Variants in PPP2R5E observed in about 807,000 individuals in gnomAD.
PPP2R5E encodes serine/threonine-protein phosphatase 2A 56 kDa regulatory subunit epsilon isoform.
PPP2R5E carries 4 observed loss-of-function variants against 65.3 expected under a neutral mutation model. The observed-to-expected ratio is 0.06, with a 90% CI of 0.03 to 0.14. The LOEUF is 0.14. Among genes scored for constraint, PPP2R5E ranks in the 10% least tolerant of loss-of-function variants. The probability of loss-of-function intolerance (pLI) is 1.00; values close to 1 mark genes in which losing one functional copy is unlikely to be tolerated. For synonymous variants in PPP2R5E, 183 were observed against 187.4 expected (o/e 0.98, Z 0.19); for missense variants, 274 against 556.1 (o/e 0.49, Z 5.10).
chr14:63,442,598 G>T (rs983570718), intron 3 of PPP2R5E, among the ~76,000 whole-genome samples: 2 of 152,092 alleles, frequency 1.3e-5, no homozygotes, highest in Non-Finnish European at 2.9e-5. Context: ...AGAGAGAGAA[G>T]GAAGAGGGAG....
chr14:63,457,685 G>A (rs1889200622), intron 2 of PPP2R5E, among the ~76,000 whole-genome samples: 1 of 152,130 alleles, frequency 6.6e-6, no homozygotes. Context: ...ACAGAAGCAC[G>A]GCCATAAATA....
chr14:63,538,098 A>G (rs1268221880), intron 2 of PPP2R5E, among the ~76,000 whole-genome samples: 2 of 152,126 alleles, frequency 1.3e-5, no homozygotes, highest in South Asian at 2.1e-4. Flanking sequence ...CCTGTGCAAC[A>G]TGGCAAAACT....
At chr14:63,489,069 G>A (rs991152762) in intron 2 of PPP2R5E, among the ~76,000 whole-genome samples, 2 of 152,032 alleles carry the variant, frequency 1.3e-5, no homozygotes, top group African/African-American at 4.8e-5. Context: ...GTTAACGACA[G>A]AACCAGAATT....
intron 2 of PPP2R5E, among the ~76,000 whole-genome samples, chr14:63,494,839 A>G (rs1255617): frequency 0.33 from 49,790 of 151,496 alleles, 12,325 homozygotes; most frequent in African/African-American, 0.7. Context: ...GGAGGCTGCA[A>G]TGAGCCAAGA....
chr14:63,394,011 T>C lies in PPP2R5E; in HGVS notation c.741-83A>G, dbSNP rs117911934. On this transcript the variant is annotated intron_variant, in intron 7 of 13. Transcript: ENST00000337537. ...ACTGTTCTTGTGATATTAATTAAACTTAATCAGTTTGTTTGTACAAAACAA... is the reference window on the plus strand; with the variant it reads ...ACTGTTCTTGTGATATTAATTAAACCTAATCAGTTTGTTTGTACAAAACAA... 59 of 771,094 alleles carry C rather than the reference T, an allele frequency of 7.7e-5. No homozygotes were observed. In the East Asian group the frequency reaches 1.3e-3, roughly 17 times the overall value. The allele number at this position is 771,094 out of a possible 1,614,324, so 47.8% of individuals were successfully genotyped here. A position where few individuals can be genotyped will look rare whatever the true frequency, so the allele number is the denominator to read the frequency against.
chr14:63,429,295 C>A (rs1887497543), intron 3 of PPP2R5E, among the ~76,000 whole-genome samples: 1 of 152,066 alleles, frequency 6.6e-6, no homozygotes, highest in Non-Finnish European at 1.5e-5. Context: ...TAAGTTCATA[C>A]AATTATACAA....
intron 2 of PPP2R5E, among the ~76,000 whole-genome samples, chr14:63,492,350 A>C (rs1350077017): frequency 6.6e-6 from 1 of 152,108 alleles, no homozygotes; most frequent in Non-Finnish European, 1.5e-5. Flanking sequence ...CCAGTTAAGG[A>C]CTCAAAAATT....
At chr14:63,435,476 C>G (rs968460498) in intron 3 of PPP2R5E, among the ~76,000 whole-genome samples, 3 of 152,184 alleles carry the variant, frequency 2.0e-5, no homozygotes, top group Non-Finnish European at 2.9e-5. Flanking sequence ...ACAGGCCATC[C>G]TGGGTTATAT....
intron 4 of PPP2R5E, among the ~76,000 whole-genome samples, chr14:63,416,224 G>A (rs952535725): frequency 6.6e-6 from 1 of 152,226 alleles, no homozygotes; most frequent in African/African-American, 2.4e-5. Context: ...GAAGGCTGAG[G>A]AGGGAGGACT....
chr14:63,496,090 T>C (rs894260763), intron 2 of PPP2R5E, among the ~76,000 whole-genome samples: 1 of 152,186 alleles, frequency 6.6e-6, no homozygotes, highest in African/African-American at 2.4e-5. Context: ...ATTTTTTTTG[T>C]TAAATATCAC....
intron 2 of PPP2R5E, among the ~76,000 whole-genome samples, chr14:63,520,423 T>C (rs1892853502): frequency 6.6e-6 from 1 of 152,204 alleles, no homozygotes; most frequent in African/African-American, 2.4e-5. Flanking sequence ...GGCCACCCTA[T>C]TTCTCCAAAA....
intron 3 of PPP2R5E, among the ~76,000 whole-genome samples, chr14:63,436,860 C>T (rs1279841888): frequency 1.3e-5 from 2 of 152,208 alleles, no homozygotes; most frequent in African/African-American, 2.4e-5. Flanking sequence ...CTGTCAGAGG[C>T]ATTTGAACCT....
At chr14:63,527,784 A>G (rs142554028) in intron 2 of PPP2R5E, among the ~76,000 whole-genome samples, 3 of 151,972 alleles carry the variant, frequency 2.0e-5, no homozygotes, top group African/African-American at 7.3e-5. Flanking sequence ...AAATACAAAA[A>G]CTTAGCTGGG....
chr14:63,379,833 T>C (rs1416167712), intron 13 of PPP2R5E, among the ~76,000 whole-genome samples: 1,422 of 128,566 alleles, frequency 0.011, 61 homozygotes, highest in African/African-American at 0.039. Flanking sequence ...TCTCTTTTTT[T>C]TTTTTTTTTT....
intron 2 of PPP2R5E, among the ~76,000 whole-genome samples, chr14:63,468,780 A>G (rs1160101445): frequency 1.3e-5 from 2 of 152,262 alleles, no homozygotes; most frequent in Non-Finnish European, 2.9e-5. Context: ...ACTTATATAT[A>G]CTAACTAAAA....
intron 5 of PPP2R5E, among the ~76,000 whole-genome samples, chr14:63,402,575 A>G (rs1273612209): frequency 6.6e-6 from 1 of 152,230 alleles, no homozygotes; most frequent in Non-Finnish European, 1.5e-5. Context: ...GATCCTTGAA[A>G]TAAAACAGTG....
chr14:63,508,067 C>T, intron 2 of PPP2R5E: 1 of 873,604 alleles, frequency 1.1e-6, no homozygotes. Flanking sequence ...TAGCCTGATC[C>T]AAGCCCATAA....
At chr14:63,435,201 C>T (rs1362494913) in intron 3 of PPP2R5E, among the ~76,000 whole-genome samples, 1 of 151,822 alleles carries the variant, frequency 6.6e-6, no homozygotes, top group Non-Finnish European at 1.5e-5. Context: ...ACGTTCATTG[C>T]CTAAGATCTG....
intron 2 of PPP2R5E, among the ~76,000 whole-genome samples, chr14:63,481,847 C>G (rs80050049): frequency 2.1e-4 from 32 of 152,110 alleles, no homozygotes; most frequent in African/African-American, 7.7e-4. Flanking sequence ...ATAAGACTTT[C>G]GAGTCTAAAA....
Sources: gnomAD v4.1 joint callset for allele counts (sites outside exome capture counted in the v4.1 genomes callset) on GRCh38, gnomAD v4.1.1 for gene constraint, MANE v1.5 for transcripts, NCBI Gene and HGNC (gene_info 2026-07-23, HGNC 2026-07-21) for gene names.